The following ZFAND3 variants were observed in gnomAD, a reference collection of about 807,000 sequenced individuals.
The protein encoded by ZFAND3 is AN1-type zinc finger protein 3.
ZFAND3 carries 10 observed loss-of-function variants against 29.6 expected under a neutral mutation model. The observed-to-expected ratio is 0.34, with a 90% CI of 0.21 to 0.57. The LOEUF (loss-of-function observed/expected upper bound fraction) is 0.57, where lower values mean the gene tolerates loss of function less well. ZFAND3 is among the 20% of genes least tolerant of loss of function. The pLI, the probability that ZFAND3 is intolerant of heterozygous loss-of-function variation, is 0.86. For missense variants in ZFAND3, 230 were observed against 304.5 expected (o/e 0.76, Z 1.82); for synonymous variants, 128 against 112.6 (o/e 1.14, Z -0.87).
At position 38,153,556 on chromosome 6, in the gene ZFAND3, G is replaced by A; in HGVS notation, c.*1167G>A. On this transcript the variant is annotated 3_prime_UTR_variant, in exon 6 of 6. Transcript: ENST00000287218. ...AACAGCGGTTTGTGGCTGTGGCCCA[G>A]CTCCGAGAGTGATATTTGCTCTGGT... 1.0e-6 allele frequency: 1 copy of A among 985,552 alleles called. No homozygotes were observed. Among genetic ancestry groups the A allele is most frequent in the African/African-American group, 1.7e-5 (1 of 57,366 alleles). The allele number at this position is 985,552 out of a possible 1,614,324, so 61.1% of individuals were successfully genotyped here.
intron 1 of ZFAND3, among the ~76,000 whole-genome samples, chr6:37,861,937 A>G (rs895819856): frequency 1.3e-5 from 2 of 152,240 alleles, no homozygotes; most frequent in Non-Finnish European, 2.9e-5. Flanking sequence ...CATCATAAGC[A>G]TTTTCTTATA....
chr6:38,007,748 T>G (rs1405475608), intron 2 of ZFAND3, among the ~76,000 whole-genome samples: 2 of 152,168 alleles, frequency 1.3e-5, no homozygotes, highest in African/African-American at 4.8e-5. Flanking sequence ...TTTAATTAAT[T>G]TAGGCTCAAT....
chr6:37,953,413 G>T (rs1024432071), intron 2 of ZFAND3, among the ~76,000 whole-genome samples: 11 of 139,250 alleles, frequency 7.9e-5, no homozygotes, highest in Non-Finnish European at 1.1e-4. Context: ...TGCTACTGTT[G>T]TCATACGTTT....
chr6:37,880,298 C>T (rs1182573016), intron 1 of ZFAND3, among the ~76,000 whole-genome samples: 4 of 152,208 alleles, frequency 2.6e-5, no homozygotes, highest in Admixed American at 6.5e-5. Flanking sequence ...CCTATTGTGT[C>T]AGCAGGGATG....
chr6:38,008,603 T>A (rs1763091274), intron 2 of ZFAND3, among the ~76,000 whole-genome samples: 1 of 152,106 alleles, frequency 6.6e-6, no homozygotes, highest in African/African-American at 2.4e-5. Context: ...AGAGATTTTC[T>A]CTCTCTCTCA....
intron 2 of ZFAND3, among the ~76,000 whole-genome samples, chr6:37,974,358 C>T (rs1486941609): frequency 6.6e-6 from 1 of 150,806 alleles, no homozygotes; most frequent in Non-Finnish European, 1.5e-5. Context: ...AGCTACCGTG[C>T]CTGGCCTGAA....
intron 2 of ZFAND3, among the ~76,000 whole-genome samples, chr6:37,940,476 A>G (rs1423904301): frequency 2.6e-5 from 4 of 152,198 alleles, no homozygotes; most frequent in Non-Finnish European, 4.4e-5. Flanking sequence ...TACCCTTTAA[A>G]AGCTTCAGTG....
At chr6:37,981,196 T>G (rs1282706420) in intron 2 of ZFAND3, among the ~76,000 whole-genome samples, 1 of 152,190 alleles carries the variant, frequency 6.6e-6, no homozygotes, top group East Asian at 1.9e-4. Flanking sequence ...GTAGAACAAT[T>G]TTGGCTGACT....
intron 2 of ZFAND3, among the ~76,000 whole-genome samples, chr6:38,034,972 T>A (rs10947710): frequency 0.088 from 13,450 of 152,226 alleles, 780 homozygotes; most frequent in East Asian, 0.29. Flanking sequence ...GTTGTCTTGC[T>A]TCTAATTTGT....
intron 2 of ZFAND3, among the ~76,000 whole-genome samples, chr6:37,962,958 C>T (rs997434248): frequency 1.3e-5 from 2 of 152,034 alleles, no homozygotes; most frequent in Non-Finnish European, 2.9e-5. Flanking sequence ...GGACGCACCA[C>T]CTTTAAGATC....
chr6:38,046,339 T>C (rs1394315717), intron 2 of ZFAND3, among the ~76,000 whole-genome samples: 3 of 152,248 alleles, frequency 2.0e-5, no homozygotes, highest in Admixed American at 6.5e-5. Context: ...TATCACATGC[T>C]ATTAAATATT....
chr6:37,977,863 CCTTCCTTT>C (rs1762512824), intron 2 of ZFAND3, among the ~76,000 whole-genome samples: 1 of 136,094 alleles, frequency 7.3e-6, no homozygotes, highest in African/African-American at 2.8e-5. Flanking sequence ...TTCCTTCCTT[CCTTCCTTT>C]CCTTCTTCCT....
intron 3 of ZFAND3, among the ~76,000 whole-genome samples, chr6:38,076,207 T>A (rs1475326989): frequency 1.3e-5 from 2 of 151,964 alleles, no homozygotes; most frequent in Non-Finnish European, 2.9e-5. Context: ...GCATTTTTTT[T>A]AGAAATAAAG....
intron 1 of ZFAND3, among the ~76,000 whole-genome samples, chr6:37,847,286 C>T (rs772857815): frequency 2.6e-5 from 4 of 152,074 alleles, no homozygotes; most frequent in South Asian, 2.1e-4. Context: ...CCAAAAACCT[C>T]ATCAATCGGC....
chr6:37,986,148 A>ATT (rs141152086), intron 2 of ZFAND3, among the ~76,000 whole-genome samples: 1 of 151,072 alleles, frequency 6.6e-6, no homozygotes, highest in African/African-American at 2.4e-5. Flanking sequence ...ACAAAATATA[A>ATT]TTTTTTTTTT....
chr6:37,907,519 G>A (rs543835700), intron 1 of ZFAND3, among the ~76,000 whole-genome samples: 16 of 152,174 alleles, frequency 1.1e-4, no homozygotes, highest in Admixed American at 3.3e-4. Context: ...CTCACTGAAC[G>A]TGTTTTTGTG....
chr6:38,144,226 T>TA (rs1766051016), intron 5 of ZFAND3, among the ~76,000 whole-genome samples: 1 of 76,728 alleles, frequency 1.3e-5, no homozygotes, highest in African/African-American at 5.6e-5. Context: ...ATAATATATA[T>TA]ATATATTTTT....
intron 2 of ZFAND3, among the ~76,000 whole-genome samples, chr6:38,011,548 T>A (rs1182228095): frequency 6.6e-6 from 1 of 152,202 alleles, no homozygotes; most frequent in African/African-American, 2.4e-5. Flanking sequence ...TAATTTTAAT[T>A]TGTAGTTTTA....
In ZFAND3 at chr6:37,916,359, C is replaced by G. The variant is rs548286145; in HGVS notation, c.72-13600C>G. 1.7e-3 allele frequency among the ~76,000 whole-genome samples: 252 copies of G among 152,132 alleles called. 1 individual carries two copies. Among genetic ancestry groups the G allele is most frequent in the African/African-American group, 5.8e-3 (241 of 41,516 alleles). ...CTCCAAAGTGTGGTTAACTGTAGTGCTATAAAACCAGGTATGCCAGCCGGG... is the reference window on the plus strand; with the variant it reads ...CTCCAAAGTGTGGTTAACTGTAGTGGTATAAAACCAGGTATGCCAGCCGGG... On this transcript the variant is annotated intron_variant, in intron 1 of 5. Coordinates refer to ENST00000287218, the MANE Select transcript of ZFAND3 (RefSeq NM_021943.3).
Sources: allele counts gnomAD v4.1 joint callset (sites outside exome capture counted in the v4.1 genomes callset), GRCh38; gene constraint gnomAD v4.1.1; transcripts MANE v1.5; gene names NCBI Gene and HGNC (gene_info 2026-07-23, HGNC 2026-07-21).